CTNNA2: variants seen among roughly 807,000 people sequenced by gnomAD.
CTNNA2 encodes catenin alpha-2.
CTNNA2 carries 42 observed loss-of-function variants against 101.0 expected under a neutral mutation model. The ratio of observed to expected loss-of-function variants is 0.42; its 90% CI spans 0.32 to 0.54. CTNNA2 has a LOEUF of 0.54. Among genes scored for constraint, CTNNA2 ranks in the 20% least tolerant of loss-of-function variants. The pLI, the probability that CTNNA2 is intolerant of heterozygous loss-of-function variation, is 0.14. For synonymous variants in CTNNA2, 450 were observed against 456.4 expected (o/e 0.99, Z 0.18); for missense variants, 871 against 1,223.1 (o/e 0.71, Z 4.29).
intron 7 of CTNNA2, among the ~76,000 whole-genome samples, chr2:80,379,884 G>T (rs747006180): frequency 6.6e-6 from 1 of 152,046 alleles, no homozygotes; most frequent in African/African-American, 2.4e-5. Flanking sequence ...ATGGACTATT[G>T]AGTCTAAGAC....
At chr2:79,628,953 TA>T (rs1334763642) in intron 1 of CTNNA2, among the ~76,000 whole-genome samples, 1 of 152,198 alleles carries the variant, frequency 6.6e-6, no homozygotes, top group Non-Finnish European at 1.5e-5. Flanking sequence ...GGACAAAATA[TA>T]AATTGATGTA....
At chr2:79,507,878 C>G (rs1671448308) in intron 5 of CTNNA2, among the ~76,000 whole-genome samples, 1 of 152,186 alleles carries the variant, frequency 6.6e-6, no homozygotes, top group African/African-American at 2.4e-5. Flanking sequence ...TCTGTGTATT[C>G]ACTAAAGAAA....
intron 3 of CTNNA2, among the ~76,000 whole-genome samples, chr2:79,782,966 C>CT (rs36059702): frequency 0.25 from 37,171 of 145,878 alleles, 4,954 homozygotes; most frequent in South Asian, 0.34. Context: ...TCTTGACAGT[C>CT]TTTTTTTTTT....
At chr2:80,030,979 G>C (rs1350258787) in intron 7 of CTNNA2, among the ~76,000 whole-genome samples, 1 of 152,192 alleles carries the variant, frequency 6.6e-6, no homozygotes, top group Non-Finnish European at 1.5e-5. Flanking sequence ...TGGAAATGAT[G>C]TAGAAAAACA....
intron 7 of CTNNA2, among the ~76,000 whole-genome samples, chr2:80,258,946 A>G (rs1194060738): frequency 1.3e-5 from 2 of 152,144 alleles, no homozygotes; most frequent in Admixed American, 6.5e-5. Flanking sequence ...GTCTACTTCT[A>G]CAGAGAAGGA....
chr2:80,486,125 T>G (rs2149509226), intron 9 of CTNNA2, among the ~76,000 whole-genome samples: 1 of 152,354 alleles, frequency 6.6e-6, no homozygotes, highest in East Asian at 1.9e-4. Flanking sequence ...ATGGAAAGTC[T>G]ATTACATTTG....
intron 7 of CTNNA2, among the ~76,000 whole-genome samples, chr2:80,082,486 A>G (rs1040479107): frequency 1.3e-5 from 2 of 152,170 alleles, no homozygotes; most frequent in Non-Finnish European, 2.9e-5. Context: ...ATTTTTTGGC[A>G]TCTATTTGCC....
intron 9 of CTNNA2, among the ~76,000 whole-genome samples, chr2:80,476,282 A>C (rs1249734397): frequency 1.3e-5 from 2 of 152,210 alleles, no homozygotes; most frequent in African/African-American, 2.4e-5. Context: ...CAATTAGGAC[A>C]GATTTTGTTG....
intron 3 of CTNNA2, among the ~76,000 whole-genome samples, chr2:79,780,416 A>G (rs1223826064): frequency 6.6e-6 from 1 of 152,132 alleles, no homozygotes; most frequent in Non-Finnish European, 1.5e-5. Flanking sequence ...AACTTTGGAG[A>G]CCTCAAAGAA....
intron 3 of CTNNA2, among the ~76,000 whole-genome samples, chr2:79,833,888 A>G (rs1679111586): frequency 6.6e-6 from 1 of 152,166 alleles, no homozygotes; most frequent in Admixed American, 6.5e-5. Context: ...TGTATCGTTT[A>G]CCATTTGCAC....
chr2:79,723,844 C>A (rs926356180), intron 2 of CTNNA2, among the ~76,000 whole-genome samples: 4 of 152,186 alleles, frequency 2.6e-5, no homozygotes, highest in African/African-American at 9.6e-5. Flanking sequence ...TGTCTCTATA[C>A]TAATTCCTAA....
chr2:80,574,092 C>T (rs1294195059), intron 12 of CTNNA2, 71 bp from the exon 13 acceptor site: 10 of 1,515,830 alleles, frequency 6.6e-6, no homozygotes, highest in South Asian at 3.7e-5. Flanking sequence ...CCTGCCACTT[C>T]GCCCAAGAGC....
At chr2:79,556,664 A>G (rs1674465723) in intron 1 of CTNNA2, among the ~76,000 whole-genome samples, 1 of 152,036 alleles carries the variant, frequency 6.6e-6, no homozygotes, top group Non-Finnish European at 1.5e-5. Context: ...AAAATTGTTA[A>G]CACCTTTTGT....
intron 7 of CTNNA2, among the ~76,000 whole-genome samples, chr2:80,181,376 T>G (rs1018049130): frequency 6.6e-6 from 1 of 152,116 alleles, no homozygotes; most frequent in East Asian, 1.9e-4. Context: ...AATTTAGGAG[T>G]TCGGTGCCCA....
rs528519885 is a variant in CTNNA2 at position 79,784,860 on chromosome 2, A to G, written c.298+40278A>G. ...ATACAACCTATGCTTTTATCTATATAAAGGAAAAAAACAGGCGAAACTTAC... is the reference window on the plus strand; with the variant it reads ...ATACAACCTATGCTTTTATCTATATGAAGGAAAAAAACAGGCGAAACTTAC... On this transcript the variant is annotated intron_variant, in intron 3 of 18. Coordinates refer to ENST00000402739, the MANE Select transcript of CTNNA2 (RefSeq NM_001282597.3). Among the ~76,000 whole-genome samples, 6 of 152,204 alleles carry G rather than the reference A, an allele frequency of 3.9e-5. No homozygotes were observed. In the East Asian group the frequency reaches 1.2e-3, roughly 29 times the overall value.
chr2:80,279,538 C>T (rs1024553578), intron 7 of CTNNA2, among the ~76,000 whole-genome samples: 3 of 152,112 alleles, frequency 2.0e-5, no homozygotes. Flanking sequence ...CAATATTATA[C>T]TATTTATTTT....
intron 4 of CTNNA2, among the ~76,000 whole-genome samples, chr2:79,415,073 ACCTCAGGTTGAAAAGTGAT>A (rs1466873918): frequency 6.6e-6 from 1 of 152,086 alleles, no homozygotes; most frequent in Admixed American, 6.6e-5. Context: ...TCCTCTCCAA[ACCTCAGGTTGAAAAGTGAT>A]CCTCAGTGTT....
chr2:80,591,478 T>TTTTTTTTTTTTTTC (rs1696503521), intron 15 of CTNNA2, among the ~76,000 whole-genome samples: 1 of 135,046 alleles, frequency 7.4e-6, no homozygotes, highest in African/African-American at 3.0e-5. Context: ...TTTTTTTTTT[T>TTTTTTTTTTTTTTC]GCAAACAGAC....
intron 7 of CTNNA2, among the ~76,000 whole-genome samples, chr2:80,108,832 T>C (rs1701040185): frequency 6.6e-6 from 1 of 152,188 alleles, no homozygotes; most frequent in Admixed American, 6.5e-5. Flanking sequence ...CACAAGTGCT[T>C]CTTGCTTTTT....
Sources: gnomAD v4.1 joint callset for allele counts (sites outside exome capture counted in the v4.1 genomes callset) on GRCh38, gnomAD v4.1.1 for gene constraint, MANE v1.5 for transcripts, NCBI Gene and HGNC (gene_info 2026-07-23, HGNC 2026-07-21) for gene names.